CLCF1: variants seen among roughly 807,000 people sequenced by gnomAD.
CLCF1 encodes the protein cardiotrophin like cytokine factor 1.
A neutral mutation model predicts 21.2 loss-of-function variants in CLCF1; 10 were observed. The ratio of observed to expected loss-of-function variants is 0.47; its 90% confidence interval spans 0.29 to 0.80. The LOEUF (loss-of-function observed/expected upper bound fraction) is 0.80, where lower values mean the gene tolerates loss of function less well. Among genes scored for constraint, CLCF1 ranks in the 30% least tolerant of loss-of-function variants. The pLI is 0.09. For synonymous variants in CLCF1, 115 were observed against 120.5 expected, an observed-to-expected ratio of 0.95 and a Z score of 0.30; for missense variants, 240 against 293.4, an observed-to-expected ratio of 0.82 and a Z score of 1.33.
intron 2 of CLCF1, among the ~76,000 whole-genome samples, 188 bp downstream of exon 2, chr11:67,367,272 G>C (rs1430404269): frequency 2.0e-5 from 3 of 152,224 alleles, no homozygotes; most frequent in Non-Finnish European, 4.4e-5. Flanking sequence ...TAGTCCTGGG[G>C]CCAGGGATGG....
intron 1 of CLCF1, chr11:67,367,986 C>G (rs545978427): frequency 1.0e-6 from 1 of 985,074 alleles, no homozygotes; most frequent in African/African-American, 1.8e-5. Flanking sequence ...TGCAGGTCGA[C>G]CTGCCTGTGT....
rs1358366264 is a variant in CLCF1 at position 67,372,508 on chromosome 11, G to A, written c.16+1016C>T. Among the ~76,000 whole-genome samples the A allele has an allele frequency of 1.3e-5, 2 of 151,850 alleles. No individual in the cohort carries two copies. The highest frequency in any genetic ancestry group is 2.9e-5 in the Non-Finnish European group (2 of 67,894). ...TTGCCAGCTGGCCCTCCCTGCTGGCGGTGACCTCTCGCTCTGGGACCCCTC... is the reference window on the plus strand; with the variant it reads ...TTGCCAGCTGGCCCTCCCTGCTGGCAGTGACCTCTCGCTCTGGGACCCCTC... On this transcript the variant is annotated intron_variant, in intron 1 of 2. Transcript: ENST00000312438. This position sits in a 1 kb window ranked among gnomAD's most constrained non-coding sequence, Gnocchi z 5.9.
chr11:67,366,524 G>A (rs1279003265), intron 2 of CLCF1, among the ~76,000 whole-genome samples: 1 of 152,134 alleles, frequency 6.6e-6, no homozygotes, highest in African/African-American at 2.4e-5. Flanking sequence ...GAAGGCTATG[G>A]AAGACAGCAT....
intron 2 of CLCF1, among the ~76,000 whole-genome samples, chr11:67,366,815 A>G (rs1862109486): frequency 6.6e-6 from 1 of 152,108 alleles, no homozygotes; most frequent in African/African-American, 2.4e-5. Context: ...GAACACGGGA[A>G]GAGGGGGCCG....
chr11:67,367,398 G>A, intron 2 of CLCF1, 62 bp downstream of exon 2: 1 of 1,612,732 alleles, frequency 6.2e-7, no homozygotes, highest in Non-Finnish European at 8.5e-7. Flanking sequence ...CCACGGTTAG[G>A]ACTGTCTTTC....
At chr11:67,369,365 G>A (rs903017663) in intron 1 of CLCF1, 1 of 935,812 alleles carries the variant, frequency 1.1e-6, no homozygotes, top group Non-Finnish European at 1.2e-6. Context: ...CAGAGAGTAG[G>A]GTCAGGCACT....
At position 67,370,279 on chromosome 11, in the gene CLCF1, G is replaced by C. The variant is rs975350321; in HGVS notation, c.17-2653C>G. ...CAACACAGCTCGCCTGCCTCCTGAG[G>C]AGAGTGCGTGGTGGGCTTCCTGGAG... On this transcript the variant is annotated intron_variant, in intron 1 of 2. Coordinates refer to ENST00000312438, the MANE Select transcript of CLCF1 (RefSeq NM_013246.3). The C allele has an allele frequency of 4.1e-6, 4 of 985,180 alleles. No homozygotes were observed. In the African/African-American group the frequency reaches 7.0e-5, roughly 17 times the overall value. The allele number at this position is 985,180 out of a possible 1,614,324, so 61.0% of individuals were successfully genotyped here.
upstream of CLCF1, chr11:67,373,616 GC>G: frequency 7.8e-7 from 1 of 1,285,058 alleles, no homozygotes; most frequent in African/African-American, 1.5e-5. Flanking sequence ...CGCGGCTCCG[GC>G]GAAGCTTTAA....
chr11:67,370,149 C>T, intron 1 of CLCF1: 1 of 985,416 alleles, frequency 1.0e-6, no homozygotes, highest in Non-Finnish European at 1.2e-6. Flanking sequence ...TCTGCCCCTG[C>T]TATGACAGCT....
At chr11:67,366,818 G>C (rs1402657790) in intron 2 of CLCF1, among the ~76,000 whole-genome samples, 2 of 152,100 alleles carry the variant, frequency 1.3e-5, no homozygotes, top group African/African-American at 4.8e-5. Flanking sequence ...CACGGGAAGA[G>C]GGGGCCGGTT....
intron 1 of CLCF1, chr11:67,368,156 T>TAGGAAGCA: frequency 1.0e-6 from 1 of 985,336 alleles, no homozygotes; most frequent in African/African-American, 1.7e-5. Context: ...GACTCACCCA[T>TAGGAAGCA]AGGAAGCAAG....
In CLCF1 at chr11:67,370,552, C is replaced by CTATCCTGGCCCCCACCCCT. The variant is rs1554978513; in HGVS notation, c.17-2927_17-2926insAGGGGTGGGGGCCAGGATA. 7 of 984,046 alleles carry CTATCCTGGCCCCCACCCCT rather than the reference C, an allele frequency of 7.1e-6. No individual in the cohort carries two copies. In the African/African-American group the frequency reaches 1.1e-4, roughly 15 times the overall value. 61.0% of individuals were successfully genotyped at this position (984,046 alleles called of 1,614,324 possible). On this transcript the variant is annotated intron_variant, in intron 1 of 2. Transcript: ENST00000312438. The stretch of plus-strand genomic sequence containing the variant: ...GTTTCCTGCAACAGCCCCCCACCCC[C>CTATCCTGGCCCCCACCCCT]GGCCAGCCCCTAATTCCATCCAGAT...
chr11:67,370,758 G>A (rs933710734), intron 1 of CLCF1: 48 of 985,302 alleles, frequency 4.9e-5, no homozygotes, highest in Non-Finnish European at 5.4e-5. Flanking sequence ...GACACCCCCA[G>A]GCTGACCTTT....
Position 67,365,206 on chromosome 11 carries a change from T to G in CLCF1, c.608A>C (p.Asn203Thr). 1 of 1,613,984 alleles carries G rather than the reference T, an allele frequency of 6.2e-7. No individual in the cohort carries two copies. Among genetic ancestry groups the G allele is most frequent in the Non-Finnish European group, 8.5e-7 (1 of 1,180,016 alleles). ...TWLWRSAKDF[N>T]RLKKKMQPPA... The stretch of plus-strand genomic sequence containing the variant: ...AGGCTGCATCTTCTTCTTGAGCCGG[T>G]TGAAGTCCTTGGCCGAGCGCCACAG... Residue 203 changes from asparagine (N) to threonine (T), a missense_variant, in exon 3 of 3, where the codon AAC becomes ACC. Asn to Thr is a moderately conservative substitution (Grantham distance 65). Coordinates refer to ENST00000312438, the MANE Select transcript of CLCF1 (RefSeq NM_013246.3). The surrounding 1 kb of genome is among the most constrained non-coding windows in gnomAD (Gnocchi z 5.0).
chr11:67,374,103 T>G, upstream of CLCF1: 1 of 985,666 alleles, frequency 1.0e-6, no homozygotes, highest in Non-Finnish European at 1.2e-6. Flanking sequence ...ATCTCTAACC[T>G]TCCCTCCTCC....
In CLCF1 at chr11:67,367,502, G is replaced by A. The variant is rs770160336; in HGVS notation, c.141C>T (p.Thr47=). Reference sequence around the variant, plus strand: ...TGCGGAGTTGGTGCTCCAGGTAGCGGGTGAGGTCATAGGTTTTCTGGATGG... The same window carrying A: ...TGCGGAGTTGGTGCTCCAGGTAGCGAGTGAGGTCATAGGTTTTCTGGATGG... ...GPSIQKTYDL[T]RYLEHQLRSL... The change falls in exon 2 of 3, where the codon ACC becomes ACT. Residue 47 remains threonine (T), a synonymous_variant. Coordinates refer to ENST00000312438, the MANE Select transcript of CLCF1 (RefSeq NM_013246.3). 2 of 1,614,244 alleles carry A rather than the reference G, an allele frequency of 1.2e-6. No individual in the cohort carries two copies. The highest frequency in any genetic ancestry group is 2.2e-5 in the South Asian group (2 of 91,088).
rs1432146014 is a variant in CLCF1, at chr11:67,364,434, A to T, written c.*702T>A. On this transcript the variant is annotated 3_prime_UTR_variant, in exon 3 of 3. Transcript: ENST00000312438. ...ACAGATACCCTGGGAAAGGGGGCAG[A>T]GAAGAGGCACCGTAATACTGGAAGA... 6.6e-6 allele frequency: 1 copy of T among 152,530 alleles called. No homozygotes were observed. Among genetic ancestry groups the T allele is most frequent in the East Asian group, 1.9e-4 (1 of 5,190 alleles). The allele number at this position is 152,530 out of a possible 1,614,324, so 9.4% of individuals were successfully genotyped here.
At chr11:67,368,099 A>C (rs961222638) in intron 1 of CLCF1, 53 of 985,268 alleles carry the variant, frequency 5.4e-5, no homozygotes, top group Admixed American at 2.5e-4. Flanking sequence ...GGCTGAGCAC[A>C]GTCAGCCCTA....
chr11:67,367,882 G>A (rs939895838), intron 1 of CLCF1: 64 of 985,326 alleles, frequency 6.5e-5, no homozygotes, highest in Non-Finnish European at 7.6e-5. Context: ...ATGGATCTGT[G>A]TGTCAGCTGA....
Sources: gnomAD v4.1 joint callset for allele counts (sites outside exome capture counted in the v4.1 genomes callset) on GRCh38, gnomAD v4.1.1 for gene constraint, Gnocchi (gnomAD v3.1) non-coding constraint, MANE v1.5 for transcripts, NCBI Gene and HGNC (gene_info 2026-07-23, HGNC 2026-07-21) for gene names.